Variants in LRRC61 observed in about 807,000 individuals in gnomAD.
The protein encoded by LRRC61 is leucine-rich repeat-containing protein 61.
Under a neutral mutation model 15.1 loss-of-function variants are expected in LRRC61, and 9 were observed. The observed-to-expected ratio is 0.60, with a 90% CI of 0.36 to 1.04. LRRC61 has a LOEUF of 1.04. Among genes scored for constraint, LRRC61 ranks in the 50% least tolerant of loss-of-function variants. The pLI is 0.01. For missense variants in LRRC61, 344 were observed against 335.6 expected, an observed-to-expected ratio of 1.03 and a Z score of -0.20; for synonymous variants, 173 against 158.6, an observed-to-expected ratio of 1.09 and a Z score of -0.68.
the LRRC61 span, among the ~76,000 whole-genome samples, chr7:150,316,178 CAA>C: frequency 6.6e-6 from 1 of 152,178 alleles, no homozygotes; most frequent in Non-Finnish European, 1.5e-5. Context: ...GCCTGGGCAA[CAA>C]GAGTGAAACT....
At chr7:150,318,866 C>T (rs148551299), upstream of LRRC61, among the ~76,000 whole-genome samples, 466 of 152,312 alleles carry the variant, frequency 3.1e-3, 3 homozygotes, top group African/African-American at 0.011. Flanking sequence ...CTTACATAAA[C>T]CATGTGATTC....
intron 2 of LRRC61, among the ~76,000 whole-genome samples, chr7:150,336,274 C>T (rs183623944): frequency 4.6e-5 from 7 of 152,268 alleles, no homozygotes; most frequent in South Asian, 4.1e-4. Flanking sequence ...CATGTGCTCT[C>T]GTTTGCATTG....
intron 1 of LRRC61, among the ~76,000 whole-genome samples, chr7:150,325,412 G>A (rs1427502924): frequency 5.9e-5 from 9 of 152,366 alleles, no homozygotes; most frequent in South Asian, 4.1e-4. Flanking sequence ...TTGGAATCTT[G>A]TCTTGTTGTG....
rs1585040625 is a variant in LRRC61, at chr7:150,325,892, C to T, written c.-263C>T. ...CAACAGTGCCAGCTGCACTGTCATCCTAAAGTACTTCTGTGGAAGAGAACA... is the reference window on the plus strand; with the variant it reads ...CAACAGTGCCAGCTGCACTGTCATCTTAAAGTACTTCTGTGGAAGAGAACA... On this transcript the variant is annotated 5_prime_UTR_variant, in exon 2 of 3. Coordinates refer to ENST00000359623, the MANE Select transcript of LRRC61 (RefSeq NM_001142928.2). 6.6e-6 allele frequency: 1 copy of T among 152,668 alleles called. No homozygotes were observed. The highest frequency in any genetic ancestry group is 2.1e-4 in the South Asian group (1 of 4,834). The allele number at this position is 152,668 out of a possible 1,614,324, so 9.5% of individuals were successfully genotyped here. A position where few individuals can be genotyped will look rare whatever the true frequency, so the allele number is the denominator to read the frequency against.
At chr7:150,334,030 C>T (rs1798200981) in intron 2 of LRRC61, 1 of 985,356 alleles carries the variant, frequency 1.0e-6, no homozygotes, top group Non-Finnish European at 1.2e-6. Context: ...CAGGGAAGGG[C>T]CGATTTCTGT....
At chr7:150,331,133 T>C in intron 2 of LRRC61, 2 of 1,598,864 alleles carry the variant, frequency 1.3e-6, no homozygotes, top group Non-Finnish European at 1.7e-6. Flanking sequence ...TTTGCCTCCC[T>C]GAACAGCCCC....
At chr7:150,318,165 A>G in the LRRC61 span, among the ~76,000 whole-genome samples, 7 of 152,212 alleles carry the variant, frequency 4.6e-5, no homozygotes, top group Non-Finnish European at 8.8e-5. Context: ...AGTCATTTGT[A>G]TCAGCCAGGA....
At chr7:150,312,505 A>C in the LRRC61 span, among the ~76,000 whole-genome samples, 9 of 152,350 alleles carry the variant, frequency 5.9e-5, no homozygotes, top group Middle Eastern at 6.8e-3. Context: ...TCCTGGCCTA[A>C]AAACTCATCG....
Position 150,330,083 on chromosome 7 carries a change from A to G in LRRC61, c.-145+4073A>G, listed in dbSNP as rs114925535. On this transcript the variant is annotated intron_variant, in intron 2 of 2. Coordinates refer to ENST00000359623, the MANE Select transcript of LRRC61 (RefSeq NM_001142928.2). The surrounding 1 kb of genome is among the most constrained non-coding windows in gnomAD (Gnocchi z 4.6). ...CCCACTGCCTCGACTCCCTGGTGAG[A>G]AACTTTCTGTGTCACCCTCACAGTG... is the stretch of plus-strand genomic sequence containing the variant. The G allele has an allele frequency of 3.7e-3, 1,208 of 323,032 alleles. 13 individuals carry two copies. The highest frequency in any genetic ancestry group is 0.023 in the African/African-American group (1,071 of 46,252). 20.0% of individuals were successfully genotyped at this position (323,032 alleles called of 1,614,324 possible). A position where few individuals can be genotyped will look rare whatever the true frequency, so the allele number is the denominator to read the frequency against.
At position 150,323,547 on chromosome 7, in the gene LRRC61, G is replaced by T; in HGVS notation, c.-328G>T. The T allele has an allele frequency of 2.3e-6, 1 of 437,848 alleles. No individual in the cohort carries two copies. Among genetic ancestry groups the T allele is most frequent in the South Asian group, 1.6e-5 (1 of 62,824 alleles). The allele number at this position is 437,848 out of a possible 1,614,324, so 27.1% of individuals were successfully genotyped here. ...TGGCCAGTGGCTCCGCAGGCTGCCG[G>T]CTCCACCCCTCAGGTAAGCGGGGAC... On this transcript the variant is annotated 5_prime_UTR_variant, in exon 1 of 3. Coordinates refer to ENST00000359623, the MANE Select transcript of LRRC61 (RefSeq NM_001142928.2).
At chr7:150,319,590 C>G (rs1797286865), upstream of LRRC61, among the ~76,000 whole-genome samples, 1 of 152,232 alleles carries the variant, frequency 6.6e-6, no homozygotes, top group African/African-American at 2.4e-5. Context: ...GGCAGGATGG[C>G]AAATTCAGGT....
At chr7:150,315,883 C>A in the LRRC61 span, among the ~76,000 whole-genome samples, 1 of 151,722 alleles carries the variant, frequency 6.6e-6, no homozygotes, top group Non-Finnish European at 1.5e-5. Flanking sequence ...CATATCAGTA[C>A]ACAGTTTCCT....
chr7:150,323,848 C>A, intron 1 of LRRC61: 1 of 385,918 alleles, frequency 2.6e-6, no homozygotes, highest in Non-Finnish European at 5.2e-6. Flanking sequence ...TGTGCTGGAG[C>A]AGGATCACGG....
chr7:150,330,799 A>G lies in LRRC61; in HGVS notation c.-145+4789A>G. 1.2e-6 allele frequency: 2 copies of G among 1,612,744 alleles called. No individual in the cohort carries two copies. The highest frequency in any genetic ancestry group is 1.7e-6 in the Non-Finnish European group (2 of 1,179,590). ...CAAAGCCCCAGGGGTCTGTGCGTGG[A>G]CCCCACCAGGGTAGCCAAGAGCTCC... On this transcript the variant is annotated intron_variant, in intron 2 of 2. Coordinates refer to ENST00000359623, the MANE Select transcript of LRRC61 (RefSeq NM_001142928.2). The surrounding 1 kb of genome is among the most constrained non-coding windows in gnomAD (Gnocchi z 4.6).
chr7:150,337,295 C>A lies in LRRC61; in HGVS notation c.434C>A (p.Ser145Tyr), dbSNP rs770559995. The A allele has an allele frequency of 1.4e-5, 23 of 1,603,440 alleles. No individual in the cohort carries two copies. The highest frequency in any genetic ancestry group is 1.9e-5 in the Non-Finnish European group (22 of 1,179,920). Residue 145 changes from serine (S) to tyrosine (Y), a missense_variant, in exon 3 of 3, where the codon TCC becomes TAC. Physicochemically the swap from Ser to Tyr is moderately radical, Grantham distance 144 (BLOSUM62 -2). Transcript: ENST00000359623. Reference sequence around the variant, plus strand: ...AGCAACCCGCTCTGTGCCAACCCCTCCTACTGGGCTGCAGTCCGGGAGCTG... The same window carrying A: ...AGCAACCCGCTCTGTGCCAACCCCTACTACTGGGCTGCAGTCCGGGAGCTG... ...RLSNPLCANP[S>Y]YWAAVRELLP... is the part of the protein sequence containing the mutation.
At chr7:150,325,349 T>C (rs572808403) in intron 1 of LRRC61, among the ~76,000 whole-genome samples, 51 of 152,350 alleles carry the variant, frequency 3.3e-4, no homozygotes, top group African/African-American at 1.2e-3. Context: ...GCCCACATGA[T>C]CGACTATGGG....
the LRRC61 span, among the ~76,000 whole-genome samples, chr7:150,318,178 G>C: frequency 6.6e-6 from 1 of 152,144 alleles, no homozygotes; most frequent in Non-Finnish European, 1.5e-5. Flanking sequence ...AGCCAGGATG[G>C]GGAGGTTTCC....
rs1203025357 is a variant in LRRC61 at position 150,335,383 on chromosome 7, G to T, written c.-144-1335G>T. On this transcript the variant is annotated intron_variant, in intron 2 of 2. Coordinates refer to ENST00000359623, the MANE Select transcript of LRRC61 (RefSeq NM_001142928.2). This position sits in a 1 kb window ranked among gnomAD's most constrained non-coding sequence, Gnocchi z 4.3. ...TTGAGGTATAAATAAAAGAGAATGAGCTGGAATGTTGCAGACTAGAAGGGA... is the reference window on the plus strand; with the variant it reads ...TTGAGGTATAAATAAAAGAGAATGATCTGGAATGTTGCAGACTAGAAGGGA... Among the ~76,000 whole-genome samples the T allele has an allele frequency of 6.6e-6, 1 of 152,240 alleles. No homozygotes were observed. Among genetic ancestry groups the T allele is most frequent in the Non-Finnish European group, 1.5e-5 (1 of 68,042 alleles).
rs1000557839 is a variant in LRRC61 at position 150,333,397 on chromosome 7, C to T, written c.-144-3321C>T. On this transcript the variant is annotated intron_variant, in intron 2 of 2. Transcript: ENST00000359623. This position sits in a 1 kb window ranked among gnomAD's most constrained non-coding sequence, Gnocchi z 4.3. The stretch of plus-strand genomic sequence containing the variant: ...GGCCAGGGATGCTGCTCAGCACCCT[C>T]CAATGTGCAGGACGGCCTCCACAAC... Among the ~76,000 whole-genome samples, 1 of 152,224 alleles carries T rather than the reference C, an allele frequency of 6.6e-6. No individual in the cohort carries two copies. The highest frequency in any genetic ancestry group is 2.4e-5 in the African/African-American group (1 of 41,450).
Sources: gnomAD v4.1 joint callset for allele counts (sites outside exome capture counted in the v4.1 genomes callset) on GRCh38, gnomAD v4.1.1 for gene constraint, Gnocchi (gnomAD v3.1) non-coding constraint, MANE v1.5 for transcripts, NCBI Gene and HGNC (gene_info 2026-07-23, HGNC 2026-07-21) for gene names.